Variants in CSGALNACT1 observed in about 807,000 individuals in gnomAD.
CSGALNACT1 encodes the protein chondroitin sulfate N-acetylgalactosaminyltransferase 1, also known as beta4GalNAcT-1.
CSGALNACT1 carries 52 observed loss-of-function variants against 51.0 expected under a neutral mutation model. That is an observed-to-expected ratio of 1.02 (90% confidence interval 0.82 to 1.29). The LOEUF (loss-of-function observed/expected upper bound fraction) is 1.29, where lower values mean the gene tolerates loss of function less well. Among genes scored for constraint, CSGALNACT1 ranks in the 50% most tolerant of loss-of-function variants. The pLI is 0.00. For missense variants in CSGALNACT1, 935 were observed against 679.2 expected (o/e 1.38, Z -4.19); for synonymous variants, 341 against 254.4 (o/e 1.34, Z -3.24).
intron 6 of CSGALNACT1, among the ~76,000 whole-genome samples, chr8:19,427,093 G>T (rs1050186174): frequency 2.0e-5 from 3 of 152,102 alleles, no homozygotes; most frequent in Admixed American, 6.5e-5. Context: ...TTCATAGTAG[G>T]CACTTTAAAT....
At position 19,529,504 on chromosome 8, in the gene CSGALNACT1, C is replaced by A. The variant is rs144911845; in HGVS notation, c.-296-23374G>T. 1.3e-3 allele frequency among the ~76,000 whole-genome samples: 198 copies of A among 152,282 alleles called. 2 individuals are homozygous for A. The highest frequency in any genetic ancestry group is 4.2e-3 in the African/African-American group (174 of 41,548). On this transcript the variant is annotated intron_variant, in intron 3 of 9. Transcript: ENST00000454498. Reference sequence around the variant, plus strand: ...GTTTCACTTGACTTTGACGTTTGGGCTCTTAATAACATTTCATTCATCATT... The same window carrying A: ...GTTTCACTTGACTTTGACGTTTGGGATCTTAATAACATTTCATTCATCATT...
At chr8:19,443,207 C>T (rs529127638) in intron 5 of CSGALNACT1, among the ~76,000 whole-genome samples, 12 of 152,190 alleles carry the variant, frequency 7.9e-5, no homozygotes, top group Middle Eastern at 3.4e-3. Context: ...CCTCTGCTGA[C>T]GGTTTAGTTC....
chr8:19,686,087 C>T (rs1269630077), upstream of CSGALNACT1, among the ~76,000 whole-genome samples: 2 of 152,154 alleles, frequency 1.3e-5, no homozygotes, highest in Non-Finnish European at 2.9e-5. Context: ...GTCAAGGGCA[C>T]AGTTAATTCT....
chr8:19,445,804 A>T (rs1364252186), intron 5 of CSGALNACT1, among the ~76,000 whole-genome samples: 9 of 152,218 alleles, frequency 5.9e-5, no homozygotes, highest in Middle Eastern at 6.8e-3. Context: ...AACTCCATCC[A>T]CTGGAAAGGT....
In CSGALNACT1 at chr8:19,592,912, A is replaced by G. The variant is rs1292932502; in HGVS notation, c.-415-1634T>C. On this transcript the variant is annotated intron_variant, in intron 2 of 9. Transcript: ENST00000454498. ...GACCATACCCCACTACAGTGGTTCA[A>G]ATTACAATTTTTCTACTTTACATTG... Among the ~76,000 whole-genome samples the G allele has an allele frequency of 2.6e-5, 4 of 152,210 alleles. No homozygotes were observed. The South Asian group carries it at 6.2e-4, about 24-fold the overall frequency.
intron 5 of CSGALNACT1, among the ~76,000 whole-genome samples, chr8:19,448,692 AG>A: frequency 6.6e-6 from 1 of 152,318 alleles, no homozygotes; most frequent in South Asian, 2.1e-4. Context: ...GGGCAGAGGC[AG>A]GGCTTTCACA....
intron 5 of CSGALNACT1, among the ~76,000 whole-genome samples, chr8:19,446,045 C>G (rs370775918): frequency 3.6e-4 from 55 of 152,226 alleles, no homozygotes; most frequent in African/African-American, 1.3e-3. Context: ...CCTGGTGATA[C>G]AGGCCTGTAA....
At chr8:19,630,554 TATA>T (rs1234027902) in intron 1 of CSGALNACT1, among the ~76,000 whole-genome samples, 3 of 152,194 alleles carry the variant, frequency 2.0e-5, no homozygotes, top group Non-Finnish European at 4.4e-5. Context: ...CTGCCAAATG[TATA>T]ATGAGGTGTA....
intron 1 of CSGALNACT1, among the ~76,000 whole-genome samples, chr8:19,743,531 G>C (rs144339451): frequency 1.3e-5 from 2 of 152,170 alleles, no homozygotes; most frequent in African/African-American, 4.8e-5. Flanking sequence ...TCAGCGATGC[G>C]AATATACTTT....
chr8:19,719,530 AAAC>A (rs1402996911), intron 1 of CSGALNACT1, among the ~76,000 whole-genome samples: 1 of 152,316 alleles, frequency 6.6e-6, no homozygotes. Flanking sequence ...TTTCAGAAAA[AAAC>A]AACAAGACAA....
chr8:19,667,465 T>C (rs981706840), intron 1 of CSGALNACT1, among the ~76,000 whole-genome samples: 4 of 152,112 alleles, frequency 2.6e-5, no homozygotes, highest in African/African-American at 9.7e-5. Flanking sequence ...ATTATTTCTA[T>C]TCTACCTTAG....
chr8:19,540,080 AAAC>A (rs1563961411), intron 3 of CSGALNACT1, among the ~76,000 whole-genome samples: 2 of 152,190 alleles, frequency 1.3e-5, no homozygotes, highest in African/African-American at 2.4e-5. Context: ...TCCTAACGCT[AAAC>A]AACATCATTC....
At chr8:19,481,375 T>A (rs886122719) in intron 4 of CSGALNACT1, among the ~76,000 whole-genome samples, 7 of 152,140 alleles carry the variant, frequency 4.6e-5, no homozygotes, top group African/African-American at 1.7e-4. Flanking sequence ...AGAAATTACA[T>A]CTTATTCAAA....
chr8:19,502,095 A>G (rs187168570), intron 4 of CSGALNACT1, among the ~76,000 whole-genome samples: 2 of 152,234 alleles, frequency 1.3e-5, no homozygotes, highest in African/African-American at 4.8e-5. Context: ...AGAACTGTAG[A>G]AAGTGGCCAC....
At chr8:19,423,783 C>T (rs1299585922) in intron 6 of CSGALNACT1, among the ~76,000 whole-genome samples, 2 of 152,156 alleles carry the variant, frequency 1.3e-5, no homozygotes, top group African/African-American at 2.4e-5. Context: ...CTTCCTTTCT[C>T]TTCATGCAAC....
At chr8:19,547,697 C>T (rs1269755245) in intron 3 of CSGALNACT1, among the ~76,000 whole-genome samples, 4 of 152,120 alleles carry the variant, frequency 2.6e-5, no homozygotes, top group Non-Finnish European at 5.9e-5. Context: ...CAGACTAATA[C>T]CGTAGAATAC....
chr8:19,426,137 A>G (rs1472223239), intron 6 of CSGALNACT1, among the ~76,000 whole-genome samples: 1 of 152,202 alleles, frequency 6.6e-6, no homozygotes, highest in Non-Finnish European at 1.5e-5. Flanking sequence ...GGGGTGACCA[A>G]TATCCACTGG....
chr8:19,454,947 A>T (rs918598042), intron 5 of CSGALNACT1, among the ~76,000 whole-genome samples: 2 of 152,214 alleles, frequency 1.3e-5, no homozygotes, highest in African/African-American at 4.8e-5. Context: ...CTATAAATTT[A>T]AGCAAGATAC....
At chr8:19,571,814 C>T (rs980022909) in intron 3 of CSGALNACT1, among the ~76,000 whole-genome samples, 2 of 152,204 alleles carry the variant, frequency 1.3e-5, no homozygotes, top group Non-Finnish European at 2.9e-5. Flanking sequence ...GCCCTCTTTG[C>T]TATCAGACAA....
Sources: allele counts gnomAD v4.1 joint callset (sites outside exome capture counted in the v4.1 genomes callset), GRCh38; gene constraint gnomAD v4.1.1; transcripts MANE v1.5; gene names NCBI Gene and HGNC (gene_info 2026-07-23, HGNC 2026-07-21).